FBXL13: variants seen among roughly 807,000 people sequenced by gnomAD.
FBXL13 encodes F-box and leucine-rich repeat protein 13.
FBXL13 carries 67 observed loss-of-function variants against 83.6 expected under a neutral mutation model. The observed-to-expected ratio is 0.80, with a 90% CI of 0.66 to 0.98. The LOEUF (loss-of-function observed/expected upper bound fraction) is 0.98, where lower values mean the gene tolerates loss of function less well. Among genes scored for constraint, FBXL13 ranks in the 50% least tolerant of loss-of-function variants. FBXL13 has a pLI of 0.00. For synonymous variants in FBXL13, 272 were observed against 299.5 expected (o/e 0.91, Z 0.95); for missense variants, 822 against 866.5 (o/e 0.95, Z 0.64).
chr7:102,939,557 C>T, intron 8 of FBXL13: 2 of 1,613,818 alleles, frequency 1.2e-6, no homozygotes, highest in African/African-American at 1.3e-5. Flanking sequence ...TAAACCTCAG[C>T]AGCAATGGCA....
At chr7:102,845,409 G>A (rs1803758483) in intron 17 of FBXL13, among the ~76,000 whole-genome samples, 1 of 152,132 alleles carries the variant, frequency 6.6e-6, no homozygotes, top group Admixed American at 6.6e-5. Context: ...CAGGACTGTG[G>A]ATAAAGACCA....
At chr7:103,047,483 A>G (rs59738824) in intron 2 of FBXL13, among the ~76,000 whole-genome samples, 3,094 of 152,302 alleles carry the variant, frequency 0.02, 96 homozygotes, top group African/African-American at 0.071. Flanking sequence ...CAAATTGTAT[A>G]TCTAATCAAT....
intron 1 of FBXL13, among the ~76,000 whole-genome samples, chr7:103,057,698 A>G (rs558938879): frequency 6.6e-6 from 1 of 152,288 alleles, no homozygotes; most frequent in African/African-American, 2.4e-5. Flanking sequence ...CTGCTGTCTC[A>G]TTTTCCTTAT....
intron 16 of FBXL13, among the ~76,000 whole-genome samples, chr7:102,863,818 C>T (rs558740543): frequency 6.6e-6 from 1 of 152,226 alleles, no homozygotes; most frequent in African/African-American, 2.4e-5. Flanking sequence ...GTGGCACCAC[C>T]ATGTTCACAA....
chr7:103,060,195 G>A (rs183226960), intron 1 of FBXL13, among the ~76,000 whole-genome samples: 624 of 150,928 alleles, frequency 4.1e-3, no homozygotes, highest in Admixed American at 0.011. Flanking sequence ...AAGGAGCTAG[G>A]ACTACAGGCA....
intron 11 of FBXL13, among the ~76,000 whole-genome samples, chr7:102,889,655 T>C (rs983611390): frequency 6.6e-6 from 1 of 151,946 alleles, no homozygotes. Flanking sequence ...AGTGAGAACA[T>C]GCAGTGTTTG....
intron 2 of FBXL13, among the ~76,000 whole-genome samples, chr7:103,032,289 T>C (rs1794588154): frequency 1.3e-5 from 2 of 152,342 alleles, no homozygotes; most frequent in South Asian, 4.1e-4. Context: ...CCACAATCCA[T>C]GTTTAACATT....
chr7:102,953,856 T>G (rs1454522962), intron 8 of FBXL13, among the ~76,000 whole-genome samples: 5 of 152,176 alleles, frequency 3.3e-5, no homozygotes, highest in Non-Finnish European at 5.9e-5. Context: ...TGCAGATGTA[T>G]TTAATAGTAT....
chr7:102,891,228 T>C (rs916192442), intron 11 of FBXL13, among the ~76,000 whole-genome samples: 3 of 152,338 alleles, frequency 2.0e-5, no homozygotes, highest in East Asian at 3.9e-4. Flanking sequence ...GATGATCCTG[T>C]ATTGTCTAGG....
intron 11 of FBXL13, among the ~76,000 whole-genome samples, chr7:102,909,232 C>T (rs1325742664): frequency 6.6e-6 from 1 of 152,120 alleles, no homozygotes; most frequent in African/African-American, 2.4e-5. Context: ...CTCTTATGGC[C>T]CAAGGGCTTT....
At chr7:102,982,914 A>G (rs190487301) in intron 6 of FBXL13, among the ~76,000 whole-genome samples, 529 of 152,326 alleles carry the variant, frequency 3.5e-3, no homozygotes, top group South Asian at 4.8e-3. Flanking sequence ...AACTCATGTG[A>G]ATAAACTCAG....
At chr7:102,930,413 C>G (rs1383723238) in intron 9 of FBXL13, among the ~76,000 whole-genome samples, 2 of 152,166 alleles carry the variant, frequency 1.3e-5, no homozygotes, top group Non-Finnish European at 2.9e-5. Context: ...CCTTCTACCA[C>G]TCTCTAAGAC....
chr7:102,972,446 TA>T (rs1449442860), intron 6 of FBXL13, among the ~76,000 whole-genome samples: 1 of 152,100 alleles, frequency 6.6e-6, no homozygotes, highest in Non-Finnish European at 1.5e-5. Context: ...TACAACATGT[TA>T]AAAATATTTA....
At chr7:103,025,720 T>C (rs577030785) in intron 5 of FBXL13, among the ~76,000 whole-genome samples, 25 of 152,290 alleles carry the variant, frequency 1.6e-4, no homozygotes, top group African/African-American at 5.8e-4. Flanking sequence ...GTCATAAACA[T>C]ATACACAATA....
chr7:102,890,440 A>T (rs947833303), intron 11 of FBXL13, among the ~76,000 whole-genome samples: 1 of 152,220 alleles, frequency 6.6e-6, no homozygotes, highest in Non-Finnish European at 1.5e-5. Flanking sequence ...ACTTGGCCTC[A>T]CCAGTGGTGT....
chr7:102,852,840 A>G (rs1209446181), intron 17 of FBXL13, among the ~76,000 whole-genome samples: 1 of 151,646 alleles, frequency 6.6e-6, no homozygotes, highest in African/African-American at 2.4e-5. Flanking sequence ...ACTGCTGGGT[A>G]TCTACCCGGA....
intron 6 of FBXL13, among the ~76,000 whole-genome samples, chr7:102,972,012 T>A (rs1344832930): frequency 7.0e-6 from 1 of 143,386 alleles, no homozygotes; most frequent in African/African-American, 2.6e-5. Context: ...GGAGACAGAG[T>A]GAGAGTCCAT....
At chr7:102,848,455 C>T (rs1453063890) in intron 17 of FBXL13, among the ~76,000 whole-genome samples, 1 of 92,856 alleles carries the variant, frequency 1.1e-5, no homozygotes, top group Admixed American at 9.7e-5. Context: ...ACTCGGGAGG[C>T]TGAGGCAGGA....
At chr7:102,879,439 A>ATGTC (rs1809704800) in intron 14 of FBXL13, among the ~76,000 whole-genome samples, 2 of 144,698 alleles carry the variant, frequency 1.4e-5, no homozygotes, top group African/African-American at 5.2e-5. Flanking sequence ...GCAGTTAAGG[A>ATGTC]TGTGTGTGTG....
Sources: allele counts gnomAD v4.1 joint callset (sites outside exome capture counted in the v4.1 genomes callset), GRCh38; gene constraint gnomAD v4.1.1; transcripts MANE v1.5; gene names NCBI Gene and HGNC (gene_info 2026-07-23, HGNC 2026-07-21).